NKAIN2: variants seen among roughly 807,000 people sequenced by gnomAD.
NKAIN2 encodes sodium/potassium-transporting ATPase subunit beta-1-interacting protein 2.
Under a neutral mutation model 32.6 loss-of-function variants are expected in NKAIN2, and 14 were observed. That is an observed-to-expected ratio of 0.43 (90% CI 0.28 to 0.67). NKAIN2 has a LOEUF of 0.67. NKAIN2 is among the 30% of genes least tolerant of loss of function. The pLI is 0.17. For missense variants in NKAIN2, 198 were observed against 258.3 expected (o/e 0.77, Z 1.60); for synonymous variants, 80 against 87.2 (o/e 0.92, Z 0.46).
intron 3 of NKAIN2, among the ~76,000 whole-genome samples, chr6:124,368,642 C>G (rs1799622536): frequency 6.6e-6 from 1 of 152,076 alleles, no homozygotes; most frequent in Non-Finnish European, 1.5e-5. Context: ...AGAAGGTCCT[C>G]CCAAAGAGCA....
At chr6:124,753,883 G>A (rs1156426370) in intron 4 of NKAIN2, among the ~76,000 whole-genome samples, 1 of 152,070 alleles carries the variant, frequency 6.6e-6, no homozygotes, top group African/African-American at 2.4e-5. Context: ...TGTCCCAATG[G>A]AAGGATTAGA....
intron 3 of NKAIN2, among the ~76,000 whole-genome samples, chr6:124,368,506 G>A (rs1173054573): frequency 2.6e-5 from 4 of 152,062 alleles, no homozygotes; most frequent in Non-Finnish European, 5.9e-5. Context: ...CAAAAAATAT[G>A]ATGGGTATTG....
At chr6:123,820,440 C>G (rs570627333) in intron 1 of NKAIN2, among the ~76,000 whole-genome samples, 1 of 152,124 alleles carries the variant, frequency 6.6e-6, no homozygotes, top group Non-Finnish European at 1.5e-5. Flanking sequence ...AATAAGATGC[C>G]TGTATTATAA....
At chr6:124,721,403 CAAAAA>C (rs11330814) in intron 4 of NKAIN2, among the ~76,000 whole-genome samples, 1 of 101,778 alleles carries the variant, frequency 9.8e-6, no homozygotes. Context: ...GACTCCGTCT[CAAAAA>C]AAAAAAAAAA....
In NKAIN2 at chr6:124,300,856, G is replaced by T. The variant is rs1796263538; in HGVS notation, c.192+17714G>T. ...GCAGAAGAAATTTCTAGGTGTCAAA[G>T]TGTTCAAGAGAAAGAAGAGCATAAA... On this transcript the variant is annotated intron_variant, in intron 2 of 6. Coordinates refer to ENST00000368417, the MANE Select transcript of NKAIN2 (RefSeq NM_001040214.3). 1.3e-5 allele frequency among the ~76,000 whole-genome samples: 2 copies of T among 152,174 alleles called. 1 individual carries two copies. The highest frequency in any genetic ancestry group is 4.1e-4 in the South Asian group (2 of 4,826).
intron 5 of NKAIN2, among the ~76,000 whole-genome samples, chr6:124,805,153 G>T (rs9385347): frequency 0.19 from 28,807 of 151,856 alleles, 3,600 homozygotes; most frequent in East Asian, 0.59. Flanking sequence ...CTCCCAGCAC[G>T]CAGCTGGAGA....
chr6:123,948,732 G>T (rs1777191476), intron 1 of NKAIN2, among the ~76,000 whole-genome samples: 1 of 146,706 alleles, frequency 6.8e-6, no homozygotes. Flanking sequence ...TCTGTTGATT[G>T]TTTGCTCTGC....
At chr6:124,791,245 G>T in intron 4 of NKAIN2, 94 bp from the exon 5 acceptor site, 1 of 851,396 alleles carries the variant, frequency 1.2e-6, no homozygotes, top group Non-Finnish European at 2.0e-6. Flanking sequence ...CCTAAGTCTG[G>T]TTGTAAACTG....
chr6:124,594,830 G>A (rs928301908), intron 3 of NKAIN2, among the ~76,000 whole-genome samples: 1 of 152,126 alleles, frequency 6.6e-6, no homozygotes, highest in African/African-American at 2.4e-5. Context: ...AGTGGGGCAT[G>A]CTGGGATCAG....
At chr6:123,982,971 T>C (rs1405705466) in intron 1 of NKAIN2, among the ~76,000 whole-genome samples, 2 of 151,748 alleles carry the variant, frequency 1.3e-5, no homozygotes, top group Admixed American at 1.3e-4. Flanking sequence ...CTCCATTCTT[T>C]CCTTACCACC....
At chr6:123,865,828 A>G (rs1444925039) in intron 1 of NKAIN2, among the ~76,000 whole-genome samples, 1 of 152,232 alleles carries the variant, frequency 6.6e-6, no homozygotes, top group Non-Finnish European at 1.5e-5. Context: ...AAAAAAATGC[A>G]TGAATAATTT....
intron 3 of NKAIN2, among the ~76,000 whole-genome samples, chr6:124,511,412 C>T (rs1279770721): frequency 6.6e-6 from 1 of 152,144 alleles, no homozygotes; most frequent in Non-Finnish European, 1.5e-5. Flanking sequence ...TCATAGGTCA[C>T]TTTGTTCCTT....
chr6:124,245,409 A>C (rs1455544393), intron 1 of NKAIN2, among the ~76,000 whole-genome samples: 2 of 152,062 alleles, frequency 1.3e-5, no homozygotes, highest in Non-Finnish European at 2.9e-5. Context: ...TTAGCATAGA[A>C]TTTGGAATCC....
chr6:123,945,584 G>T (rs2114567449), intron 1 of NKAIN2, among the ~76,000 whole-genome samples: 1 of 152,168 alleles, frequency 6.6e-6, no homozygotes, highest in East Asian at 1.9e-4. Context: ...TGGCAGTAAT[G>T]CTGAAGTCAG....
At chr6:124,208,948 A>G (rs1582850593) in intron 1 of NKAIN2, among the ~76,000 whole-genome samples, 1 of 151,794 alleles carries the variant, frequency 6.6e-6, no homozygotes, top group East Asian at 1.9e-4. Context: ...TCAAATATTT[A>G]TCATTTATTT....
chr6:124,036,404 T>C (rs1024855394), intron 1 of NKAIN2, among the ~76,000 whole-genome samples: 1 of 152,122 alleles, frequency 6.6e-6, no homozygotes. Context: ...GTTCTTCTGG[T>C]TGCCATTTCC....
At chr6:123,879,735 A>G (rs2114321291) in intron 1 of NKAIN2, among the ~76,000 whole-genome samples, 1 of 152,332 alleles carries the variant, frequency 6.6e-6, no homozygotes, top group African/African-American at 2.4e-5. Context: ...GGGGAGCTGG[A>G]CAGACATGGC....
rs1773352725 is a variant in NKAIN2, at chr6:124,395,806, T to TAGGAAAATAGATCTAGTATC, written c.273+40460_273+40461insGGAAAATAGATCTAGTATCA. On this transcript the variant is annotated intron_variant, in intron 3 of 6. Coordinates refer to ENST00000368417, the MANE Select transcript of NKAIN2 (RefSeq NM_001040214.3). ...GAATAAATAGTTGCTGAAATTGCTT[T>TAGGAAAATAGATCTAGTATC]ATAGGAAAATAGATCTAGTATCATT... Among the ~76,000 whole-genome samples the TAGGAAAATAGATCTAGTATC allele has an allele frequency of 2.0e-5, 3 of 151,884 alleles. No individual in the cohort carries two copies. In the South Asian group the frequency reaches 6.2e-4, roughly 32 times the overall value.
chr6:123,967,277 T>C (rs910378025), intron 1 of NKAIN2, among the ~76,000 whole-genome samples: 1 of 152,074 alleles, frequency 6.6e-6, no homozygotes, highest in Non-Finnish European at 1.5e-5. Flanking sequence ...ACTCCGAGAG[T>C]TTTCTTTGAA....
Sources: gnomAD v4.1 joint callset for allele counts (sites outside exome capture counted in the v4.1 genomes callset) on GRCh38, gnomAD v4.1.1 for gene constraint, MANE v1.5 for transcripts, NCBI Gene and HGNC (gene_info 2026-07-23, HGNC 2026-07-21) for gene names.